The following FLT1 variants were observed in gnomAD, a reference collection of about 807,000 sequenced individuals.
FLT1 encodes fms related receptor tyrosine kinase 1.
Under a neutral mutation model 156.3 loss-of-function variants are expected in FLT1, and 49 were observed. That is an observed-to-expected ratio of 0.31 (90% CI 0.25 to 0.40). The LOEUF (loss-of-function observed/expected upper bound fraction) is 0.40, where lower values mean the gene tolerates loss of function less well. Ranked by LOEUF, FLT1 falls within the 10% of genes least tolerant of loss-of-function variation. The pLI is 1.00. For missense variants in FLT1, 1,322 were observed against 1,637.2 expected, an observed-to-expected ratio of 0.81 and a Z score of 3.32; for synonymous variants, 594 against 583.8, an observed-to-expected ratio of 1.02 and a Z score of -0.25.
At chr13:28,477,500 A>C (rs1049088760) in intron 1 of FLT1, among the ~76,000 whole-genome samples, 1 of 152,194 alleles carries the variant, frequency 6.6e-6, no homozygotes, top group Admixed American at 6.5e-5. Context: ...TGAGCTGCCT[A>C]GGGCAAAGGT....
At chr13:28,447,279 A>G (rs968884026) in intron 3 of FLT1, among the ~76,000 whole-genome samples, 2 of 151,664 alleles carry the variant, frequency 1.3e-5, no homozygotes, top group Non-Finnish European at 2.9e-5. Context: ...CCCAGGCGCA[A>G]GTGATGCCCC....
chr13:28,471,711 A>T (rs1039001962), intron 1 of FLT1, among the ~76,000 whole-genome samples: 5 of 152,216 alleles, frequency 3.3e-5, no homozygotes, highest in African/African-American at 1.2e-4. Context: ...TGAATCTCAG[A>T]TGCAGATGAG....
intron 26 of FLT1, 44 bp from the exon 27 acceptor site, chr13:28,311,776 T>C (rs771911806): frequency 1.2e-6 from 2 of 1,604,388 alleles, no homozygotes; most frequent in South Asian, 2.2e-5. Flanking sequence ...AATTCTGACT[T>C]CAACAATTTC....
intron 15 of FLT1, among the ~76,000 whole-genome samples, chr13:28,349,703 G>A (rs1365090718): frequency 6.6e-6 from 1 of 152,114 alleles, no homozygotes; most frequent in Admixed American, 6.6e-5. Flanking sequence ...TATGGGACAG[G>A]AAGCTGACCC....
Position 28,390,018 on chromosome 13 carries a change from A to T in FLT1, c.1747T>A (p.Leu583Ile), listed in dbSNP as rs1217156557. The change falls in exon 13 of 30, where the codon TTA becomes ATA. Residue 583 changes from leucine to isoleucine, a missense_variant. By Grantham distance (5) the Leu-to-Ile change is conservative (BLOSUM62 2). This residue lies in a region of FLT1 where 991 missense variants were observed against 1,254.8 expected (regional missense o/e 0.79). Transcript: ENST00000282397. ...AAAATCCAAGTAACGTCTCTGTATA[A>T]GAACTTGTTAACTGTGCAAGACAGT... is the stretch of plus-strand genomic sequence containing the variant. ...LKLSCTVNKF[L>I]YRDVTWILLR... 1 of 1,614,244 alleles carries T rather than the reference A, an allele frequency of 6.2e-7. No homozygotes were observed. Among genetic ancestry groups the T allele is most frequent in the Non-Finnish European group, 8.5e-7 (1 of 1,180,036 alleles).
At chr13:28,325,184 C>T (rs1372506346) in intron 20 of FLT1, among the ~76,000 whole-genome samples, 1 of 152,124 alleles carries the variant, frequency 6.6e-6, no homozygotes, top group Admixed American at 6.5e-5. Flanking sequence ...ACAAAGGACG[C>T]ACAAACCCAA....
intron 23 of FLT1, among the ~76,000 whole-genome samples, chr13:28,320,657 C>T (rs1871412877): frequency 6.6e-6 from 1 of 151,968 alleles, no homozygotes; most frequent in South Asian, 2.1e-4. Context: ...GATTGGACAC[C>T]CCTGGTCTAG....
At chr13:28,399,192 A>G (rs1875269324) in intron 11 of FLT1, 1 of 961,804 alleles carries the variant, frequency 1.0e-6, no homozygotes, top group East Asian at 2.8e-5. Flanking sequence ...GACCCTTCAA[A>G]GCAGTATGCA....
At chr13:28,381,506 C>A (rs1290841291) in intron 14 of FLT1, among the ~76,000 whole-genome samples, 1 of 152,146 alleles carries the variant, frequency 6.6e-6, no homozygotes, top group Non-Finnish European at 1.5e-5. Flanking sequence ...TTGCAGTGAG[C>A]CAAGATCATG....
intron 14 of FLT1, among the ~76,000 whole-genome samples, chr13:28,367,419 A>C (rs1275924546): frequency 2.0e-5 from 3 of 152,216 alleles, no homozygotes; most frequent in African/African-American, 4.8e-5. Flanking sequence ...GTTTTTGACC[A>C]TGATGGCCTA....
intron 29 of FLT1, among the ~76,000 whole-genome samples, chr13:28,305,533 C>T (rs1031418771): frequency 2.0e-5 from 3 of 152,200 alleles, no homozygotes; most frequent in Non-Finnish European, 2.9e-5. Context: ...ATTTGTATTT[C>T]CCTAATGACT....
intron 28 of FLT1, 93 bp downstream of exon 28, chr13:28,308,750 C>T: frequency 1.2e-6 from 1 of 826,212 alleles, no homozygotes; most frequent in South Asian, 1.4e-5. Context: ...CCTCACTGAC[C>T]AAGAACTACT....
intron 1 of FLT1, among the ~76,000 whole-genome samples, chr13:28,469,309 G>A: frequency 6.6e-6 from 1 of 152,194 alleles, no homozygotes; most frequent in East Asian, 1.9e-4. Context: ...TTTACCATTA[G>A]GTCACAGATC....
intron 25 of FLT1, 105 bp downstream of exon 25, chr13:28,317,393 T>A: frequency 1.2e-6 from 1 of 809,852 alleles, no homozygotes; most frequent in Non-Finnish European, 2.2e-6. Context: ...AACCTTGGCA[T>A]CTTCCAAGAC....
At chr13:28,388,515 C>A (rs947061513) in intron 13 of FLT1, 22 of 1,039,088 alleles carry the variant, frequency 2.1e-5, no homozygotes, top group Admixed American at 5.5e-5. Flanking sequence ...ATAAAAACAA[C>A]AGAACAATGC....
At chr13:28,306,357 G>A (rs1046592927) in intron 29 of FLT1, among the ~76,000 whole-genome samples, 4 of 152,262 alleles carry the variant, frequency 2.6e-5, no homozygotes, top group East Asian at 1.9e-4. Context: ...CTCTCCCACC[G>A]CCGGGAGCGT....
intron 1 of FLT1, among the ~76,000 whole-genome samples, chr13:28,486,358 C>T (rs1334557017): frequency 6.6e-6 from 1 of 152,212 alleles, no homozygotes; most frequent in African/African-American, 2.4e-5. Flanking sequence ...TAGGAGGCCA[C>T]CCTGCCTCCA....
chr13:28,482,286 A>G (rs1880901635), intron 1 of FLT1, among the ~76,000 whole-genome samples: 1 of 152,136 alleles, frequency 6.6e-6, no homozygotes, highest in Non-Finnish European at 1.5e-5. Flanking sequence ...TAAAAATACA[A>G]TATTAGCCCA....
At chr13:28,393,184 C>T (rs1489693014) in intron 12 of FLT1, among the ~76,000 whole-genome samples, 1 of 152,118 alleles carries the variant, frequency 6.6e-6, no homozygotes, top group Non-Finnish European at 1.5e-5. Flanking sequence ...TATGAGGTGT[C>T]ATGGAGAAGA....
Sources: gnomAD v4.1 joint callset for allele counts (sites outside exome capture counted in the v4.1 genomes callset) on GRCh38, gnomAD v4.1.1 for gene constraint, gnomAD v4.1.1 regional missense constraint, MANE v1.5 for transcripts, NCBI Gene and HGNC (gene_info 2026-07-23, HGNC 2026-07-21) for gene names.